The following PDZD2 variants were observed in gnomAD, a reference collection of about 807,000 sequenced individuals.
PDZD2 encodes the protein PDZ domain-containing protein 2.
In PDZD2, 90 loss-of-function variants were observed where a neutral mutation model predicts 220.7. The ratio of observed to expected loss-of-function variants is 0.41; its 90% CI spans 0.34 to 0.49. PDZD2 has a LOEUF of 0.49. PDZD2 is among the 20% of genes least tolerant of loss of function. The probability of loss-of-function intolerance (pLI) is 0.28; values close to 1 mark genes in which losing one functional copy is unlikely to be tolerated. For synonymous variants in PDZD2, 1,375 were observed against 1,450.5 expected (o/e 0.95, Z 1.18); for missense variants, 3,174 against 3,608.5 (o/e 0.88, Z 3.08).
intron 1 of PDZD2, among the ~76,000 whole-genome samples, chr5:31,719,299 G>T (rs1748640150): frequency 6.6e-6 from 1 of 152,152 alleles, no homozygotes; most frequent in Non-Finnish European, 1.5e-5. Flanking sequence ...TGTGTGAAGT[G>T]TGCAATCTAT....
Position 32,052,742 on chromosome 5 carries a change from T to C in PDZD2, c.1785+12T>C, listed in dbSNP as rs1367967889. On this transcript the variant is annotated intron_variant, in intron 9 of 24. Transcript: ENST00000438447. The stretch of plus-strand genomic sequence containing the variant: ...AAGAAAAAGGCAAGGTGAGCTCTTT[T>C]CTGCAGACTGTTCTGCCTTCTGGGT... The C allele has an allele frequency of 1.2e-6, 2 of 1,613,252 alleles. No homozygotes were observed. The highest frequency in any genetic ancestry group is 1.7e-6 in the Non-Finnish European group (2 of 1,179,296).
chr5:31,960,951 A>T (rs1748168372), intron 2 of PDZD2, among the ~76,000 whole-genome samples: 1 of 152,164 alleles, frequency 6.6e-6, no homozygotes, highest in Non-Finnish European at 1.5e-5. Context: ...CGACTGACTT[A>T]TTCATTGCTT....
At position 32,107,978 on chromosome 5, in the gene PDZD2, C is replaced by G; in HGVS notation, c.8363C>G (p.Ala2788Gly). Residue 2788 changes from alanine (A) to glycine (G), a missense_variant, in exon 25 of 25, where the codon GCT becomes GGT. Ala to Gly is a moderately conservative substitution (Grantham distance 60, BLOSUM62 0). Transcript: ENST00000438447. ...VIKRVYKGGAAEQAGIIEAGD... is the reference protein window; with the variant it reads ...VIKRVYKGGAGEQAGIIEAGD... ...GTGTTTATTCTCGTAGGTGGTGCGG[C>G]TGAACAAGCTGGAATAATAGAAGCT... The G allele has an allele frequency of 6.2e-7, 1 of 1,612,124 alleles. No individual in the cohort carries two copies. The highest frequency in any genetic ancestry group is 8.5e-7 in the Non-Finnish European group (1 of 1,178,484).
intron 3 of PDZD2, among the ~76,000 whole-genome samples, chr5:31,994,210 T>C (rs756185127): frequency 6.6e-5 from 10 of 151,832 alleles, no homozygotes; most frequent in Non-Finnish European, 1.5e-4. Flanking sequence ...AGTAGAGATG[T>C]TGGACAGGCT....
chr5:32,011,015 AAAAAAAACAAC>A (rs1753266130), intron 6 of PDZD2, among the ~76,000 whole-genome samples: 1 of 150,416 alleles, frequency 6.6e-6, no homozygotes, highest in South Asian at 2.1e-4. Flanking sequence ...TCTCAAAAAA[AAAAAAAACAAC>A]AACAACAACA....
At chr5:32,097,189 T>G (rs1743800542) in intron 21 of PDZD2, 90 bp from the exon 22 acceptor site, 1 of 828,406 alleles carries the variant, frequency 1.2e-6, no homozygotes, top group Non-Finnish European at 2.1e-6. Context: ...ACATCAGAGC[T>G]TCCTTACTCC....
At chr5:31,691,756 A>G (rs1747143997) in intron 1 of PDZD2, among the ~76,000 whole-genome samples, 1 of 152,224 alleles carries the variant, frequency 6.6e-6, no homozygotes, top group African/African-American at 2.4e-5. Flanking sequence ...AGGTTCTCCA[A>G]GGCCCCACCA....
intron 14 of PDZD2, among the ~76,000 whole-genome samples, chr5:32,061,425 G>A (rs1037620925): frequency 2.6e-5 from 4 of 152,014 alleles, no homozygotes; most frequent in African/African-American, 4.8e-5. Flanking sequence ...AACCTCTTTG[G>A]GTTTTTGCAA....
At chr5:32,002,608 C>CAT (rs1752233803) in intron 5 of PDZD2, among the ~76,000 whole-genome samples, 1 of 142,170 alleles carries the variant, frequency 7.0e-6, no homozygotes, top group African/African-American at 2.6e-5. Context: ...ACACACCACA[C>CAT]ACACACCAAC....
At chr5:31,945,223 G>T (rs1746534847) in intron 2 of PDZD2, among the ~76,000 whole-genome samples, 1 of 152,138 alleles carries the variant, frequency 6.6e-6, no homozygotes, top group South Asian at 2.1e-4. Flanking sequence ...AACCACTTAT[G>T]TCACAGGCCA....
intron 18 of PDZD2, 43 bp downstream of exon 18, chr5:32,074,686 A>G: frequency 7.6e-7 from 1 of 1,323,296 alleles, no homozygotes; most frequent in Non-Finnish European, 1.0e-6. Context: ...AAGTGCATGA[A>G]TATGTGTGAG....
chr5:31,705,144 G>C (rs1305020319), intron 1 of PDZD2, among the ~76,000 whole-genome samples: 5 of 151,656 alleles, frequency 3.3e-5, no homozygotes, highest in African/African-American at 9.7e-5. Context: ...CTGGGCGACA[G>C]AGTGAGACTC....
At chr5:31,895,493 A>G (rs1287847175) in intron 2 of PDZD2, among the ~76,000 whole-genome samples, 1 of 152,170 alleles carries the variant, frequency 6.6e-6, no homozygotes, top group African/African-American at 2.4e-5. Flanking sequence ...TGTGAGAAAT[A>G]CATTTCTACT....
chr5:31,737,359 A>G (rs1214155961), intron 1 of PDZD2, among the ~76,000 whole-genome samples: 1 of 147,210 alleles, frequency 6.8e-6, no homozygotes, highest in Non-Finnish European at 1.5e-5. Context: ...TTTTTAGTAG[A>G]GATGGGGTTT....
rs545159804 is a variant in PDZD2 at position 32,092,229 on chromosome 5, G to A, written c.7728-678G>A. ...GCTGATGTTGCAGTGAGCTGAGATC[G>A]CGTCACTGCACTCCAGCCTGGGCAA... On this transcript the variant is annotated intron_variant, in intron 20 of 24. Transcript: ENST00000438447. Among the ~76,000 whole-genome samples the A allele has an allele frequency of 8.0e-5, 12 of 149,686 alleles. No homozygotes were observed. The South Asian group carries it at 1.1e-3, about 13-fold the overall frequency.
intron 6 of PDZD2, among the ~76,000 whole-genome samples, chr5:32,021,166 G>A (rs1754169298): frequency 6.6e-6 from 1 of 151,544 alleles, no homozygotes; most frequent in Non-Finnish European, 1.5e-5. Context: ...AAGTTCCCCT[G>A]TGGAATCCAG....
intron 2 of PDZD2, among the ~76,000 whole-genome samples, chr5:31,955,380 A>T (rs1747573460): frequency 6.6e-6 from 1 of 151,484 alleles, no homozygotes; most frequent in Non-Finnish European, 1.5e-5. Context: ...GGCTCACTGC[A>T]TCTTCTGCCT....
In PDZD2 at chr5:31,778,428, C is replaced by T. The variant is rs147176842; in HGVS notation, c.-360-20461C>T. Among the ~76,000 whole-genome samples, 1,130 of 152,212 alleles carry T rather than the reference C, an allele frequency of 7.4e-3. 14 individuals carry two copies. The highest frequency in any genetic ancestry group is 0.026 in the African/African-American group (1,064 of 41,516). ...TGCCTTTATGAGCTGTAACACTCAC[C>T]GCGAAGGTCTGCAGCTTCACTCCTG... On this transcript the variant is annotated intron_variant, in intron 1 of 24. Transcript: ENST00000438447.
At position 31,944,801 on chromosome 5, in the gene PDZD2, G is replaced by A. The variant is rs1285294585; in HGVS notation, c.477-38354G>A. Among the ~76,000 whole-genome samples, 16 of 152,304 alleles carry A rather than the reference G, an allele frequency of 1.1e-4. No individual in the cohort carries two copies. In the East Asian group the frequency reaches 2.3e-3, roughly 22 times the overall value. ...TTCCCTGGGAAGCAGCTGCAGCTGC[G>A]CCTTGGAGGGGCCGCTTCCTGGCCT... On this transcript the variant is annotated intron_variant, in intron 2 of 24. Transcript: ENST00000438447.
Sources: gnomAD v4.1 joint callset for allele counts (sites outside exome capture counted in the v4.1 genomes callset) on GRCh38, gnomAD v4.1.1 for gene constraint, MANE v1.5 for transcripts, NCBI Gene and HGNC (gene_info 2026-07-23, HGNC 2026-07-21) for gene names.